DNAJC13: variants seen among roughly 807,000 people sequenced by gnomAD.
The protein encoded by DNAJC13 is dnaJ homolog subfamily C member 13.
Under a neutral mutation model 290.5 loss-of-function variants are expected in DNAJC13, and 75 were observed. The ratio of observed to expected loss-of-function variants is 0.26; its 90% CI spans 0.21 to 0.31. DNAJC13 has a LOEUF of 0.31. Ranked by LOEUF, DNAJC13 falls within the 10% of genes least tolerant of loss-of-function variation. The pLI, the probability that DNAJC13 is intolerant of heterozygous loss-of-function variation, is 1.00. For missense variants in DNAJC13, 2,260 were observed against 2,674.5 expected, an observed-to-expected ratio of 0.85 and a Z score of 3.42; for synonymous variants, 862 against 892.0, an observed-to-expected ratio of 0.97 and a Z score of 0.60.
chr3:132,429,305 T>G (rs952005087), intron 1 of DNAJC13, among the ~76,000 whole-genome samples: 1 of 151,136 alleles, frequency 6.6e-6, no homozygotes, highest in East Asian at 1.9e-4. Flanking sequence ...AGGGTGAAGT[T>G]TTTTTTTTTC....
chr3:132,421,856 C>G (rs777011422), intron 1 of DNAJC13, among the ~76,000 whole-genome samples: 1 of 152,138 alleles, frequency 6.6e-6, no homozygotes, highest in Non-Finnish European at 1.5e-5. Context: ...AAAGTATAAT[C>G]TCTTAATTTA....
rs146518758 is a variant in DNAJC13, at chr3:132,469,470, A to C, written c.2208+2157A>C. Among the ~76,000 whole-genome samples the C allele has an allele frequency of 2.2e-3, 336 of 152,294 alleles. 1 individual carries two copies. The highest frequency in any genetic ancestry group is 7.8e-3 in the African/African-American group (323 of 41,580). On this transcript the variant is annotated intron_variant, in intron 20 of 55. Coordinates refer to ENST00000260818, the MANE Select transcript of DNAJC13 (RefSeq NM_015268.4). ...TTAAGGGATTTGTTTAGCTAGTTAG[A>C]GCTGTTAGCCTGAGTCTCCAATTCA... is the stretch of plus-strand genomic sequence containing the variant.
intron 2 of DNAJC13, among the ~76,000 whole-genome samples, chr3:132,437,178 C>T (rs1939406393): frequency 1.3e-5 from 2 of 152,086 alleles, no homozygotes; most frequent in South Asian, 4.1e-4. Context: ...TGCGCTCAGC[C>T]AAGTCATTTA....
At position 132,456,694 on chromosome 3, in the gene DNAJC13, T is replaced by C; in HGVS notation, c.1211T>C (p.Ile404Thr). 2 of 1,613,946 alleles carry C rather than the reference T, an allele frequency of 1.2e-6. No individual in the cohort carries two copies. The highest frequency in any genetic ancestry group is 1.7e-6 in the Non-Finnish European group (2 of 1,179,898). Residue 404 changes from isoleucine (I) to threonine (T), a missense_variant, in exon 12 of 56, where the codon ATC becomes ACC. Coordinates refer to ENST00000260818, the MANE Select transcript of DNAJC13 (RefSeq NM_015268.4). The part of the protein sequence containing the change: ...GLFSENKEKL[I>T]NNAITALLSQ... ...TTCTCAGAAAACAAAGAAAAACTGA[T>C]CAATAATGCCATAACAGCATTACTG...
At chr3:132,472,297 A>G (rs1934307720) in intron 20 of DNAJC13, among the ~76,000 whole-genome samples, 1 of 152,198 alleles carries the variant, frequency 6.6e-6, no homozygotes, top group South Asian at 2.1e-4. Flanking sequence ...GACTTTAAGA[A>G]TTCTTGAAAT....
Position 132,523,325 on chromosome 3 carries a change from A to G in DNAJC13, c.5886+126A>G. 2 of 1,263,860 alleles carry G rather than the reference A, an allele frequency of 1.6e-6. 1 individual carries two copies. Among genetic ancestry groups the G allele is most frequent in the South Asian group, 2.8e-5 (2 of 70,284 alleles). 78.3% of individuals were successfully genotyped at this position (1,263,860 alleles called of 1,614,324 possible). On this transcript the variant is annotated intron_variant, in intron 50 of 55. Transcript: ENST00000260818. ...AAGACTCTTGGGTATTCCCCTGGAA[A>G]ATAAGGCTTCAAACATAAAAATTGG...
chr3:132,512,411 T>G (rs1471742436), intron 44 of DNAJC13, among the ~76,000 whole-genome samples: 1 of 152,118 alleles, frequency 6.6e-6, no homozygotes, highest in Non-Finnish European at 1.5e-5. Flanking sequence ...CCTCAAAAGA[T>G]AAGAAATTAC....
intron 53 of DNAJC13, among the ~76,000 whole-genome samples, chr3:132,527,537 C>T (rs1454154177): frequency 6.6e-6 from 1 of 152,120 alleles, no homozygotes; most frequent in African/African-American, 2.4e-5. Context: ...CTTGTTGGCT[C>T]TCTGACCTCA....
Position 132,496,651 on chromosome 3 carries a change from C to T in DNAJC13, c.4144C>T (p.Arg1382Cys), listed in dbSNP as rs1026574542. The change falls in exon 36 of 56, where the codon CGT (arginine) becomes TGT (cysteine). Residue 1382 changes from arginine to cysteine, a missense_variant. Arg to Cys is a radical substitution (Grantham distance 180). This residue lies in a region of DNAJC13 where 1,494 missense variants were observed against 1,693.7 expected (regional missense o/e 0.88). Transcript: ENST00000260818. ...ILKTQSILFN[R>C]HKEDLQPYKY... ...AAAAACACAGAGCATCCTCTTCAACCGTCATAAAGAAGGTAAGATGTCTGT... is the reference window on the plus strand; with the variant it reads ...AAAAACACAGAGCATCCTCTTCAACTGTCATAAAGAAGGTAAGATGTCTGT... 5.0e-6 allele frequency: 8 copies of T among 1,606,476 alleles called. No homozygotes were observed. The highest frequency in any genetic ancestry group is 2.2e-5 in the East Asian group (1 of 44,612).
Position 132,474,955 on chromosome 3 carries a change from C to A in DNAJC13, c.2315C>A (p.Ser772Ter). Residue 772 changes from serine (S) to a stop codon, truncating the protein, a stop_gained, in exon 22 of 56, where the codon TCA (serine) becomes TAA (stop). Coordinates refer to ENST00000260818, the MANE Select transcript of DNAJC13 (RefSeq NM_015268.4). LOFTEE classifies it high-confidence loss of function. ...YYRFGQDHAR[S>*]NLIWNFKTRE... ...AGGTTTGGTCAAGACCATGCCAGGT[C>A]AAACCTTATTTGGAATTTCAAAACA... 6.2e-7 allele frequency: 1 copy of A among 1,606,832 alleles called. No individual in the cohort carries two copies. Among genetic ancestry groups the A allele is most frequent in the South Asian group, 1.1e-5 (1 of 90,418 alleles).
Position 132,488,984 on chromosome 3 carries a change from A to C in DNAJC13, c.3431A>C (p.Lys1144Thr). Residue 1144 changes from lysine (K) to threonine (T), a missense_variant, in exon 31 of 56, where the codon AAA becomes ACA. Physicochemically the swap from Lys to Thr is moderately conservative, Grantham distance 78. This residue lies in a region of DNAJC13 where 1,494 missense variants were observed against 1,693.7 expected (regional missense o/e 0.88). Transcript: ENST00000260818. The stretch of plus-strand genomic sequence containing the variant: ...TTCATTTTTCTTTCTAGATTTTTGA[A>C]ATACACACATACCAAACAGGCTTTC... ...SNVLPVARFL[K>T]YTHTKQAFKS... 6.2e-7 allele frequency: 1 copy of C among 1,608,952 alleles called. No homozygotes were observed. Among genetic ancestry groups the C allele is most frequent in the Non-Finnish European group, 8.5e-7 (1 of 1,175,968 alleles).
At chr3:132,423,732 A>G (rs1939021342) in intron 1 of DNAJC13, among the ~76,000 whole-genome samples, 1 of 152,238 alleles carries the variant, frequency 6.6e-6, no homozygotes, top group Non-Finnish European at 1.5e-5. Context: ...AATTGTAGCA[A>G]ATTAAACTTT....
chr3:132,476,352 C>A (rs1436376106), intron 22 of DNAJC13, among the ~76,000 whole-genome samples: 1 of 152,180 alleles, frequency 6.6e-6, no homozygotes, highest in Non-Finnish European at 1.5e-5. Context: ...CTAGTGAAAA[C>A]CCTTGACATT....
At chr3:132,440,031 G>A (rs1180967600) in intron 2 of DNAJC13, among the ~76,000 whole-genome samples, 2 of 152,240 alleles carry the variant, frequency 1.3e-5, no homozygotes, top group Non-Finnish European at 2.9e-5. Context: ...GCCAAGGCTG[G>A]AGGATCACTT....
At chr3:132,537,040 T>C (rs2107761741) in intron 55 of DNAJC13, 1 of 444,756 alleles carries the variant, frequency 2.2e-6, no homozygotes, top group African/African-American at 2.0e-5. Context: ...ACAAGATGAA[T>C]CTGAATGGTG....
intron 55 of DNAJC13, chr3:132,537,224 C>T (rs1157661593): frequency 2.2e-6 from 1 of 456,180 alleles, no homozygotes; most frequent in African/African-American, 2.0e-5. Flanking sequence ...TAGATCCGCT[C>T]TGCCAGGCAG....
intron 5 of DNAJC13, among the ~76,000 whole-genome samples, chr3:132,449,799 ATGGGTAGAAAAC>A (rs1336223377): frequency 9.9e-5 from 15 of 152,156 alleles, no homozygotes; most frequent in Non-Finnish European, 1.5e-5. Context: ...CTTTATATTG[ATGGGTAGAAAAC>A]TGCGGTGTTT....
In DNAJC13 at chr3:132,453,663, A is replaced by T; in HGVS notation, c.809A>T (p.Tyr270Phe). The T allele has an allele frequency of 6.2e-7, 1 of 1,613,366 alleles. No individual in the cohort carries two copies. Among genetic ancestry groups the T allele is most frequent in the Non-Finnish European group, 8.5e-7 (1 of 1,179,794 alleles). The change falls in exon 8 of 56, where the codon TAT becomes TTT. Residue 270 changes from tyrosine (Y) to phenylalanine (F), a missense_variant. Tyr to Phe is a conservative substitution (Grantham distance 22). Transcript: ENST00000260818. ...TCLVERDPAT[Y>F]NIATLKPLGE... ...TTAGTAGAACGTGATCCGGCAACCT[A>T]TAATATTGCAACATTGAAGCCTTTA...
At chr3:132,473,928 TC>T (rs930678041) in intron 21 of DNAJC13, among the ~76,000 whole-genome samples, 1 of 152,148 alleles carries the variant, frequency 6.6e-6, no homozygotes, top group Non-Finnish European at 1.5e-5. Context: ...CCATAGAACT[TC>T]CTTGGAACTC....
Sources: gnomAD v4.1 joint callset for allele counts (sites outside exome capture counted in the v4.1 genomes callset) on GRCh38, gnomAD v4.1.1 for gene constraint, gnomAD v4.1.1 regional missense constraint, MANE v1.5 for transcripts, NCBI Gene and HGNC (gene_info 2026-07-23, HGNC 2026-07-21) for gene names.